Variants in PHYH observed in about 807,000 individuals in gnomAD.
PHYH encodes phytanoyl-CoA dioxygenase, peroxisomal.
A neutral mutation model predicts 38.5 loss-of-function variants in PHYH; 32 were observed. The ratio of observed to expected loss-of-function variants is 0.83; its 90% CI spans 0.63 to 1.12. The LOEUF is 1.12. Ranked by LOEUF, PHYH falls within the 50% of genes most tolerant of loss-of-function variation. The probability of loss-of-function intolerance (pLI) is 0.00; values close to 1 mark genes in which losing one functional copy is unlikely to be tolerated. For missense variants in PHYH, 426 were observed against 434.8 expected (o/e 0.98, Z 0.18); for synonymous variants, 166 against 157.9 (o/e 1.05, Z -0.38).
intron 2 of PHYH, among the ~76,000 whole-genome samples, chr10:13,297,667 G>C (rs1435213840): frequency 6.6e-6 from 1 of 151,902 alleles, no homozygotes; most frequent in African/African-American, 2.4e-5. Flanking sequence ...TAGAGATGTT[G>C]GCCAGGCTGG....
In PHYH at chr10:13,287,844, T is replaced by A. The variant is rs890136827; in HGVS notation, c.678+516A>T. 2.6e-5 allele frequency among the ~76,000 whole-genome samples: 4 copies of A among 152,156 alleles called. 1 individual carries two copies. Among genetic ancestry groups the A allele is most frequent in the African/African-American group, 9.7e-5 (4 of 41,450 alleles). ...AGCTAGGACTTACAATCTCGGATCC[T>A]ATACAGTACCTACCCAAGCTCCCCA... On this transcript the variant is annotated intron_variant, in intron 6 of 8. Coordinates refer to ENST00000263038, the MANE Select transcript of PHYH (RefSeq NM_006214.4).
At chr10:13,288,683 A>C in intron 5 of PHYH, 142 bp from the exon 6 acceptor site, 1 of 754,838 alleles carries the variant, frequency 1.3e-6, no homozygotes, top group Non-Finnish European at 2.3e-6. Flanking sequence ...GGGAGTTCAA[A>C]ACCATCCCGG....
intron 7 of PHYH, among the ~76,000 whole-genome samples, chr10:13,282,591 CAAAAAAA>C (rs890313204): frequency 1.3e-5 from 1 of 79,400 alleles, no homozygotes; most frequent in Non-Finnish European, 2.3e-5. Context: ...GACTCCACCT[CAAAAAAA>C]AAAAAAAAAG....
At chr10:13,287,115 C>T (rs570303190) in intron 6 of PHYH, among the ~76,000 whole-genome samples, 6 of 152,096 alleles carry the variant, frequency 3.9e-5, no homozygotes, top group South Asian at 2.1e-4. Flanking sequence ...CAGAGGTGGG[C>T]GGATCACGAG....
At chr10:13,291,940 A>C (rs1212475278) in intron 4 of PHYH, 28 bp from the exon 5 acceptor site, 7 of 1,508,954 alleles carry the variant, frequency 4.6e-6, no homozygotes, top group African/African-American at 1.4e-5. Context: ...AAACAAAAAC[A>C]AACCTTGTGG....
chr10:13,283,081 G>A (rs1221441787), intron 7 of PHYH, among the ~76,000 whole-genome samples: 2 of 151,446 alleles, frequency 1.3e-5, no homozygotes, highest in Non-Finnish European at 1.5e-5. Context: ...TCAGCCTCCG[G>A]AAGTGCTGGA....
At chr10:13,298,472 G>A (rs1489046270) in intron 1 of PHYH, among the ~76,000 whole-genome samples, 1 of 151,442 alleles carries the variant, frequency 6.6e-6, no homozygotes, top group Non-Finnish European at 1.5e-5. Flanking sequence ...AGGCCGAGGC[G>A]GATGGATCAC....
chr10:13,289,622 G>A (rs910908148), intron 5 of PHYH, among the ~76,000 whole-genome samples: 2 of 152,054 alleles, frequency 1.3e-5, no homozygotes, highest in East Asian at 1.9e-4. Flanking sequence ...AATCCCCTTT[G>A]AAGTGGCTGA....
chr10:13,292,035 G>A, intron 4 of PHYH, 123 bp from the exon 5 acceptor site: 2 of 712,642 alleles, frequency 2.8e-6, no homozygotes, highest in South Asian at 3.2e-5. Flanking sequence ...GAACCAAGCG[G>A]TATTTCACAA....
At chr10:13,289,226 T>A (rs573145327) in intron 5 of PHYH, among the ~76,000 whole-genome samples, 1 of 152,262 alleles carries the variant, frequency 6.6e-6, no homozygotes, top group African/African-American at 2.4e-5. Flanking sequence ...GACGGAGTCT[T>A]GTTCTGCTGC....
chr10:13,299,835 C>G, intron 1 of PHYH, 133 bp downstream of exon 1: 1 of 1,328,586 alleles, frequency 7.5e-7, no homozygotes. Context: ...CAGGCGGGGA[C>G]GCGGCGCTGA....
rs746250299 is a variant in PHYH at position 13,294,551 on chromosome 10, TC to T, written c.290del (p.Gly97AspfsTer2). 6.2e-7 allele frequency: 1 copy of T among 1,614,006 alleles called. No homozygotes were observed. Among genetic ancestry groups the T allele is most frequent in the Admixed American group, 1.7e-5 (1 of 60,008 alleles). ...KICRKEVKPLGLTVMRDVTIS... is the reference protein window; with the variant it reads ...KICRKEVKPLXLTVMRDVTIS... ...TGGTCACATCTCTCATTACTGTTAA[TC>T]CTAATGGTTTCACCTCCTTTCTGCA... is the stretch of plus-strand genomic sequence containing the variant. On this transcript the variant is annotated frameshift_variant, in exon 4 of 9. Transcript: ENST00000263038. LOFTEE classifies it high-confidence loss of function.
chr10:13,281,265 G>A (rs1835408754), intron 7 of PHYH, among the ~76,000 whole-genome samples, 155 bp from the exon 8 acceptor site: 1 of 152,132 alleles, frequency 6.6e-6, no homozygotes, highest in African/African-American at 2.4e-5. Context: ...CAATCTCTTT[G>A]TAACTAAGCC....
rs375227646 is a variant in PHYH, at chr10:13,299,725, C to T, written c.75+243G>A. On this transcript the variant is annotated intron_variant, in intron 1 of 8. Coordinates refer to ENST00000263038, the MANE Select transcript of PHYH (RefSeq NM_006214.4). ...AGAGGCCCCCAGGGATCCCGGAGGGCAGGGCAACGCGGCAATTGCCCCGAC... is the reference window on the plus strand; with the variant it reads ...AGAGGCCCCCAGGGATCCCGGAGGGTAGGGCAACGCGGCAATTGCCCCGAC... 93 of 1,303,706 alleles carry T rather than the reference C, an allele frequency of 7.1e-5. No individual in the cohort carries two copies. The African/African-American group carries it at 1.3e-3, about 19-fold the overall frequency. 80.8% of individuals were successfully genotyped at this position (1,303,706 alleles called of 1,614,324 possible). A position where few individuals can be genotyped will look rare whatever the true frequency, so the allele number is the denominator to read the frequency against.
chr10:13,295,517 T>C lies in PHYH; in HGVS notation c.224A>G (p.Asp75Gly), dbSNP rs1835824342. 6.4e-7 allele frequency: 1 copy of C among 1,551,638 alleles called. No homozygotes were observed. The highest frequency in any genetic ancestry group is 8.9e-7 in the Non-Finnish European group (1 of 1,122,910). The change falls in exon 3 of 9, where the codon GAT becomes GGT. Residue 75 changes from aspartate (D) to glycine (G), a missense_variant. Coordinates refer to ENST00000263038, the MANE Select transcript of PHYH (RefSeq NM_006214.4). ...GFLVIKNLVP[D>G]ADIQRFRNEF... ...GTACCGAAAGCGTTGAATATCGGCA[T>C]CAGGTACAAGATTTTTGATTACTAG...
Position 13,296,722 on chromosome 10 carries a change from G to T in PHYH, c.135-1116C>A, listed in dbSNP as rs962791908. On this transcript the variant is annotated intron_variant, in intron 2 of 8. Coordinates refer to ENST00000263038, the MANE Select transcript of PHYH (RefSeq NM_006214.4). ...CATGCCTGTAATCCTAGCTTTGGGAGGCTGAGGTGGGCGGATCACGAGGTC... is the reference window on the plus strand; with the variant it reads ...CATGCCTGTAATCCTAGCTTTGGGATGCTGAGGTGGGCGGATCACGAGGTC... Among the ~76,000 whole-genome samples, 6 of 148,584 alleles carry T rather than the reference G, an allele frequency of 4.0e-5. No homozygotes were observed. In the East Asian group the frequency reaches 1.2e-3, roughly 29 times the overall value.
intron 8 of PHYH, among the ~76,000 whole-genome samples, chr10:13,280,242 C>T (rs1835381063): frequency 6.6e-6 from 1 of 152,210 alleles, no homozygotes; most frequent in South Asian, 2.1e-4. Context: ...GCTGGGATTA[C>T]AGGCGTGAGC....
chr10:13,292,167 T>G (rs1835728648), intron 4 of PHYH, among the ~76,000 whole-genome samples: 3 of 152,156 alleles, frequency 2.0e-5, no homozygotes, highest in Admixed American at 2.0e-4. Context: ...ACAAGAAACA[T>G]AGGAGTTCCG....
In PHYH at chr10:13,280,979, C is replaced by T. The variant is rs1835395640; in HGVS notation, c.960G>A (p.Leu320=). Residue 320 remains leucine (L), a synonymous_variant, in exon 8 of 9, where the codon TTG becomes TTA. Transcript: ENST00000263038. ...KFFGAENSVN[L]KDIWMFRARL... is the part of the protein sequence containing the mutation. ...TTGCTATTGTATACAAACATACCTT[C>T]AAGTTCACGCTATTTTCAGCTCCAA... 1 of 1,613,896 alleles carries T rather than the reference C, an allele frequency of 6.2e-7. No individual in the cohort carries two copies. Among genetic ancestry groups the T allele is most frequent in the African/African-American group, 1.3e-5 (1 of 74,914 alleles).
Sources: gnomAD v4.1 joint callset for allele counts (sites outside exome capture counted in the v4.1 genomes callset) on GRCh38, gnomAD v4.1.1 for gene constraint, MANE v1.5 for transcripts, NCBI Gene and HGNC (gene_info 2026-07-23, HGNC 2026-07-21) for gene names.